Variants in ADAMTSL3 observed in about 807,000 individuals in gnomAD.
ADAMTSL3 encodes ADAMTS-like protein 3.
In ADAMTSL3, 128 loss-of-function variants were observed where a neutral mutation model predicts 201.7. That is an observed-to-expected ratio of 0.63 (90% confidence interval 0.55 to 0.73). The LOEUF (loss-of-function observed/expected upper bound fraction) is 0.73. ADAMTSL3 is among the 30% of genes least tolerant of loss of function. The pLI is 0.00. For missense variants in ADAMTSL3, 1,990 were observed against 2,119.6 expected (o/e 0.94, Z 1.20); for synonymous variants, 738 against 748.4 (o/e 0.99, Z 0.23).
intron 3 of ADAMTSL3, among the ~76,000 whole-genome samples, chr15:83,741,064 GAGAT>G (rs2062447190): frequency 6.6e-6 from 1 of 151,972 alleles, no homozygotes; most frequent in African/African-American, 2.4e-5. Context: ...AATGTAGAAA[GAGAT>G]AGAAAGCTTT....
chr15:83,863,334 A>G (rs1242437315), intron 8 of ADAMTSL3, among the ~76,000 whole-genome samples: 1 of 152,120 alleles, frequency 6.6e-6, no homozygotes, highest in Non-Finnish European at 1.5e-5. Context: ...TCAGCACCAC[A>G]CCACACCCAA....
intron 19 of ADAMTSL3, among the ~76,000 whole-genome samples, chr15:83,968,897 A>G: frequency 6.6e-6 from 1 of 152,124 alleles, no homozygotes; most frequent in East Asian, 1.9e-4. Context: ...GCAAACTAAC[A>G]CAGGAACAGA....
chr15:83,755,942 G>A (rs141019487), intron 3 of ADAMTSL3, among the ~76,000 whole-genome samples: 5 of 152,244 alleles, frequency 3.3e-5, no homozygotes, highest in Non-Finnish European at 5.9e-5. Context: ...TGTATTTCTA[G>A]TGGAGACAGG....
At chr15:83,785,970 C>T (rs140552916) in intron 4 of ADAMTSL3, among the ~76,000 whole-genome samples, 286 of 151,936 alleles carry the variant, frequency 1.9e-3, no homozygotes, top group Non-Finnish European at 2.4e-3. Flanking sequence ...CAGCCTCCCA[C>T]GTAACTGCAG....
chr15:84,037,064 C>T (rs2068525624), intron 29 of ADAMTSL3, 77 bp downstream of exon 29: 1 of 1,432,470 alleles, frequency 7.0e-7, no homozygotes, highest in Non-Finnish European at 9.7e-7. Context: ...CATCACGGCA[C>T]CAAACCCTGC....
At position 83,899,748 on chromosome 15, in the gene ADAMTSL3, T is replaced by C. The variant is rs1251661551; in HGVS notation, c.1700+17T>C. On this transcript the variant is annotated intron_variant, in intron 15 of 29. Transcript: ENST00000286744. ...AGAACCAACGTGAGTCCAGGACCTT[T>C]TGTAGGAATAATCAGGGCATAGCCA... The C allele has an allele frequency of 3.1e-5, 50 of 1,607,740 alleles. No individual in the cohort carries two copies. The East Asian group carries it at 1.1e-3, about 36-fold the overall frequency.
chr15:83,822,454 C>CGGA (rs1253910715), intron 6 of ADAMTSL3, among the ~76,000 whole-genome samples: 1 of 134,722 alleles, frequency 7.4e-6, no homozygotes, highest in Non-Finnish European at 1.6e-5. Flanking sequence ...GGTTGCCAGG[C>CGGA]GGAGGGTCTC....
rs769264280 is a variant in ADAMTSL3, at chr15:83,891,357, G to T, written c.1240G>T (p.Asp414Tyr). ...SDGFKEIMPYDHFQPLPRWEH... is the reference protein window; with the variant it reads ...SDGFKEIMPYYHFQPLPRWEH... ...TGGATTTAAAGAGATAATGCCCTAT[G>T]ACCACTTCCAACCTCTTCCTCGGTG... Residue 414 changes from aspartate to tyrosine, a missense_variant, in exon 12 of 30, where the codon GAC becomes TAC. Coordinates refer to ENST00000286744, the MANE Select transcript of ADAMTSL3 (RefSeq NM_207517.3). The T allele has an allele frequency of 6.2e-7, 1 of 1,612,928 alleles. No homozygotes were observed.
chr15:84,021,709 A>G (rs1239766648), intron 26 of ADAMTSL3, 116 bp downstream of exon 26: 1 of 1,094,504 alleles, frequency 9.1e-7, no homozygotes, highest in Non-Finnish European at 1.3e-6. Context: ...CTTACTGTAT[A>G]CTAGGCATCC....
chr15:83,682,967 A>G (rs1164288804), intron 2 of ADAMTSL3, among the ~76,000 whole-genome samples: 1 of 152,222 alleles, frequency 6.6e-6, no homozygotes, highest in African/African-American at 2.4e-5. Context: ...GTGGTGAGAA[A>G]GACATCCCAG....
At chr15:84,007,047 C>T (rs2067907885) in intron 23 of ADAMTSL3, among the ~76,000 whole-genome samples, 1 of 152,122 alleles carries the variant, frequency 6.6e-6, no homozygotes, top group South Asian at 2.1e-4. Flanking sequence ...TGAAATGGCC[C>T]CTGGGACAGT....
intron 3 of ADAMTSL3, among the ~76,000 whole-genome samples, chr15:83,705,460 C>G (rs1005464985): frequency 8.5e-5 from 13 of 152,162 alleles, no homozygotes; most frequent in African/African-American, 2.9e-4. Flanking sequence ...GTGCAAAAGA[C>G]AGTACTCAAA....
intron 3 of ADAMTSL3, among the ~76,000 whole-genome samples, chr15:83,755,730 A>G (rs927463435): frequency 1.3e-5 from 2 of 151,892 alleles, no homozygotes; most frequent in African/African-American, 4.8e-5. Context: ...ACAGAGTGGT[A>G]CAAACATTTG....
intron 7 of ADAMTSL3, among the ~76,000 whole-genome samples, chr15:83,849,738 C>A (rs779412077): frequency 1.3e-5 from 2 of 152,028 alleles, no homozygotes; most frequent in South Asian, 4.1e-4. Flanking sequence ...ATAAAGAAAG[C>A]GTGGGTAATA....
chr15:83,710,689 T>C (rs1389619295), intron 3 of ADAMTSL3, among the ~76,000 whole-genome samples: 13 of 152,218 alleles, frequency 8.5e-5, no homozygotes, highest in Admixed American at 7.2e-4. Context: ...CCTATTTGTA[T>C]GATTCCTTGT....
At chr15:83,857,873 G>A (rs910455165) in intron 7 of ADAMTSL3, among the ~76,000 whole-genome samples, 2 of 152,170 alleles carry the variant, frequency 1.3e-5, no homozygotes, top group Admixed American at 1.3e-4. Context: ...CATTGATAAT[G>A]TTCTAGTTTC....
At chr15:84,006,110 G>T (rs1235723808) in intron 23 of ADAMTSL3, among the ~76,000 whole-genome samples, 1 of 152,188 alleles carries the variant, frequency 6.6e-6, no homozygotes, top group Non-Finnish European at 1.5e-5. Context: ...TAAGAAGAGT[G>T]CATTCATTAT....
intron 3 of ADAMTSL3, among the ~76,000 whole-genome samples, chr15:83,723,822 C>A (rs1215327766): frequency 6.6e-6 from 1 of 152,038 alleles, no homozygotes; most frequent in Non-Finnish European, 1.5e-5. Context: ...ATTCTCCAGG[C>A]TTACTACAAA....
chr15:83,697,603 A>G (rs891020709), intron 2 of ADAMTSL3, among the ~76,000 whole-genome samples: 44 of 152,208 alleles, frequency 2.9e-4, no homozygotes, highest in African/African-American at 1.1e-3. Flanking sequence ...AAGGGATAGA[A>G]TAAAGGATAA....
Sources: gnomAD v4.1 joint callset for allele counts (sites outside exome capture counted in the v4.1 genomes callset) on GRCh38, gnomAD v4.1.1 for gene constraint, MANE v1.5 for transcripts, NCBI Gene and HGNC (gene_info 2026-07-23, HGNC 2026-07-21) for gene names.